Variants in DMD observed in about 807,000 individuals in gnomAD.
DMD encodes the protein mutant dystrophin.
A neutral mutation model predicts 330.1 loss-of-function variants in DMD; 63 were observed. That is an observed-to-expected ratio of 0.19 (90% CI 0.16 to 0.24). The LOEUF is 0.24. Ranked by LOEUF, DMD falls within the 10% of genes least tolerant of loss-of-function variation. The pLI is 1.00. For missense variants in DMD, 3,344 were observed against 2,684.1 expected (o/e 1.25, Z -5.43); for synonymous variants, 1,223 against 959.8 (o/e 1.27, Z -5.07).
chrX:31,721,611 CTCTCTCTGT>C (rs2085485342), intron 52 of DMD, among the ~76,000 whole-genome samples: 1 of 94,435 alleles, frequency 1.1e-5, no homozygotes, highest in African/African-American at 3.9e-5. Context: ...CTCTCTCTCT[CTCTCTCTGT>C]ATGTGTGTAT....
chrX:32,853,788 AAACAAC>A (rs1262701193), intron 2 of DMD, among the ~76,000 whole-genome samples: 6 of 101,824 alleles, frequency 5.9e-5, no homozygotes, highest in Non-Finnish European at 8.0e-5. Flanking sequence ...AAAAAAAAAC[AAACAAC>A]AACAACAACA....
chrX:32,569,999 CTT>C (rs1569222539), intron 15 of DMD, among the ~76,000 whole-genome samples: 2 of 111,574 alleles, frequency 1.8e-5, no homozygotes, highest in African/African-American at 6.5e-5. Flanking sequence ...CAGTTTAAAA[CTT>C]AAATCAGTTT....
chrX:32,821,612 A>G (rs963683616), intron 5 of DMD, among the ~76,000 whole-genome samples: 1 of 108,229 alleles, frequency 9.2e-6, no homozygotes, highest in African/African-American at 3.5e-5. Flanking sequence ...AAAAAATAAA[A>G]ATAAAAAATA....
intron 26 of DMD, among the ~76,000 whole-genome samples, chrX:32,449,517 A>G (rs1439450431): frequency 9.1e-6 from 1 of 109,596 alleles, no homozygotes; most frequent in African/African-American, 3.3e-5. Flanking sequence ...ACTAATGACA[A>G]GCAATCCAAA....
intron 52 of DMD, among the ~76,000 whole-genome samples, chrX:31,720,026 A>G (rs1426323739): frequency 3.6e-5 from 4 of 111,967 alleles, no homozygotes; most frequent in African/African-American, 1.3e-4. Flanking sequence ...ATAAATGATT[A>G]TTGCTACTTT....
chrX:33,328,261 T>TG (rs1480715156), intron 1 of DMD, among the ~76,000 whole-genome samples: 6 of 111,588 alleles, frequency 5.4e-5, no homozygotes. Flanking sequence ...TGGAGTGCAC[T>TG]GGCACGATCT....
At chrX:32,251,705 C>T (rs1418931579) in intron 43 of DMD, among the ~76,000 whole-genome samples, 2 of 111,627 alleles carry the variant, frequency 1.8e-5, no homozygotes, top group African/African-American at 6.5e-5. Context: ...TGAGGTGGCT[C>T]ATATCTGTAA....
At chrX:31,991,415 T>C (rs2095549821) in intron 44 of DMD, among the ~76,000 whole-genome samples, 1 of 110,962 alleles carries the variant, frequency 9.0e-6, no homozygotes, top group African/African-American at 3.3e-5. Context: ...AGGAAAAGTG[T>C]AGCCTGCAAA....
At chrX:33,211,840 TG>T (rs901793557), upstream of DMD, among the ~76,000 whole-genome samples, 4 of 112,699 alleles carry the variant, frequency 3.5e-5, no homozygotes, top group African/African-American at 1.3e-4. Flanking sequence ...GTAACTTTCA[TG>T]TGAATTTATT....
intron 62 of DMD, among the ~76,000 whole-genome samples, chrX:31,309,674 A>T (rs983069352): frequency 1.8e-5 from 2 of 112,115 alleles, no homozygotes; most frequent in Non-Finnish European, 3.8e-5. Context: ...CAGATAGAAC[A>T]TTATTTCCCT....
intron 1 of DMD, among the ~76,000 whole-genome samples, chrX:33,024,914 GATCA>G (rs2147794132): frequency 9.0e-6 from 1 of 111,599 alleles, no homozygotes; most frequent in East Asian, 2.8e-4. Context: ...GATATAATGA[GATCA>G]TTTACTCGTG....
chrX:32,555,390 A>C (rs766436964), intron 16 of DMD, among the ~76,000 whole-genome samples: 2 of 111,944 alleles, frequency 1.8e-5, no homozygotes, highest in Non-Finnish European at 3.8e-5. Flanking sequence ...CAAGATAAGG[A>C]TGCCATCTCT....
chrX:32,129,790 A>G (rs974268660), intron 44 of DMD, among the ~76,000 whole-genome samples: 4 of 108,577 alleles, frequency 3.7e-5, no homozygotes, highest in Non-Finnish European at 7.6e-5. Flanking sequence ...ATTATGTCCA[A>G]GATTTTTTCC....
rs763146042 is a variant in DMD at position 32,176,411 on chromosome X, T to G, written c.6438+40505A>C. Among the ~76,000 whole-genome samples, 110 of 111,642 alleles carry G rather than the reference T, an allele frequency of 9.9e-4. 1 individual carries two copies. The highest frequency in any genetic ancestry group is 2.1e-4 in the Non-Finnish European group (11 of 53,154). On this transcript the variant is annotated intron_variant, in intron 44 of 78. Transcript: ENST00000357033. Reference sequence around the variant, plus strand: ...TTGTAGAAAGTTAAATCCACAGTGGTCCAGATGTGGTGTTAAGCATGAACC... The same window carrying G: ...TTGTAGAAAGTTAAATCCACAGTGGGCCAGATGTGGTGTTAAGCATGAACC...
intron 51 of DMD, among the ~76,000 whole-genome samples, chrX:31,742,116 G>T (rs760617357): frequency 1.1e-3 from 123 of 112,077 alleles, no homozygotes; most frequent in Non-Finnish European, 2.1e-3. Flanking sequence ...TTAGTCCTTT[G>T]CTTTAGATTA....
chrX:33,312,256 C>G (rs1603429996), intron 1 of DMD, among the ~76,000 whole-genome samples: 1 of 110,839 alleles, frequency 9.0e-6, no homozygotes, highest in Non-Finnish European at 1.9e-5. Flanking sequence ...ATCAAAAATA[C>G]AGTATTCGCA....
chrX:31,137,675 C>A (rs1233266849), intron 76 of DMD, among the ~76,000 whole-genome samples: 1 of 110,365 alleles, frequency 9.1e-6, no homozygotes, highest in East Asian at 2.9e-4. Context: ...CCCACCCACA[C>A]ACTCTCTCTG....
intron 21 of DMD, among the ~76,000 whole-genome samples, chrX:32,473,715 A>G (rs972872177): frequency 5.4e-5 from 6 of 111,881 alleles, no homozygotes; most frequent in African/African-American, 1.9e-4. Context: ...ACTCATAAAA[A>G]TGTTAAGAGA....
chrX:31,550,016 G>A (rs1331025924), intron 55 of DMD, among the ~76,000 whole-genome samples: 3 of 111,881 alleles, frequency 2.7e-5, no homozygotes, highest in Non-Finnish European at 5.6e-5. Context: ...AAATAATACA[G>A]CCCATTTATA....
Sources: gnomAD v4.1 joint callset for allele counts (sites outside exome capture counted in the v4.1 genomes callset) on GRCh38, gnomAD v4.1.1 for gene constraint, MANE v1.5 for transcripts, NCBI Gene and HGNC (gene_info 2026-07-23, HGNC 2026-07-21) for gene names.